Variants in TBRG1 observed in about 807,000 individuals in gnomAD.
The protein encoded by TBRG1 is nuclear interactor of ARF and MDM2.
In TBRG1, 31 loss-of-function variants were observed where a neutral mutation model predicts 44.0. The ratio of observed to expected loss-of-function variants is 0.70; its 90% CI spans 0.53 to 0.95. The LOEUF (loss-of-function observed/expected upper bound fraction) is 0.95. Among genes scored for constraint, TBRG1 ranks in the 40% least tolerant of loss-of-function variants. TBRG1 has a pLI of 0.00. For missense variants in TBRG1, 487 were observed against 496.1 expected, an observed-to-expected ratio of 0.98 and a Z score of 0.18; for synonymous variants, 171 against 188.1, an observed-to-expected ratio of 0.91 and a Z score of 0.74.
intron 5 of TBRG1, among the ~76,000 whole-genome samples, chr11:124,627,779 A>G (rs1942505137): frequency 5.3e-5 from 8 of 152,112 alleles, no homozygotes; most frequent in Admixed American, 4.6e-4. Flanking sequence ...CGTGACCTCA[A>G]TTATGCAATA....
intron 5 of TBRG1, among the ~76,000 whole-genome samples, chr11:124,627,650 T>C (rs1267575465): frequency 6.6e-6 from 1 of 151,948 alleles, no homozygotes; most frequent in East Asian, 1.9e-4. Flanking sequence ...TAGAAGGAAG[T>C]AGAGGCAAGG....
chr11:124,625,524 A>C (rs1170330108), intron 2 of TBRG1, 147 bp from the exon 3 acceptor site: 5 of 693,596 alleles, frequency 7.2e-6, no homozygotes, highest in Non-Finnish European at 1.2e-5. Context: ...CCAGGGCTTT[A>C]TGATTCATAG....
intron 1 of TBRG1, among the ~76,000 whole-genome samples, chr11:124,624,247 A>G (rs1197593171): frequency 2.0e-5 from 3 of 151,968 alleles, no homozygotes; most frequent in Non-Finnish European, 2.9e-5. Flanking sequence ...AGATTTTGTG[A>G]AGAAAAAGCG....
At chr11:124,629,882 A>G in intron 5 of TBRG1, 1 of 153,032 alleles carries the variant, frequency 6.5e-6, no homozygotes. Flanking sequence ...ATTTGTTACA[A>G]AAATATTTTC....
At chr11:124,631,570 C>T in intron 8 of TBRG1, 153 bp downstream of exon 8, 1 of 789,370 alleles carries the variant, frequency 1.3e-6, no homozygotes, top group South Asian at 1.6e-5. Context: ...TAGAGGGGGA[C>T]CTGCGGCCTG....
In TBRG1 at chr11:124,631,299, G is replaced by T. The variant is rs1237667356; in HGVS notation, c.972G>T (p.Val324=). ...GTTACCAGTGGGTGAAATTTGATGT[G>T]TGCAAACCTGGAGATGGGCAGCTAC... The part of the protein sequence containing the change: ...CINYQWVKFD[V]CKPGDGQLPE... Residue 324 remains valine (V), a synonymous_variant, in exon 8 of 9, where the codon GTG becomes GTT. Transcript: ENST00000441174. 1.2e-6 allele frequency: 2 copies of T among 1,607,166 alleles called. No individual in the cohort carries two copies. Among genetic ancestry groups the T allele is most frequent in the East Asian group, 4.5e-5 (2 of 44,856 alleles).
Position 124,634,811 on chromosome 11 carries a change from A to C in TBRG1, c.*2573A>C, listed in dbSNP as rs541245629. ...TTACAAAATAATATGTACTGTATAA[A>C]ATTATATAACTCAAGTCAAGTGAAT... On this transcript the variant is annotated 3_prime_UTR_variant, in exon 9 of 9. Coordinates refer to ENST00000441174, the MANE Select transcript of TBRG1 (RefSeq NM_032811.3). 9 of 152,300 alleles carry C rather than the reference A, an allele frequency of 5.9e-5. No homozygotes were observed. In the South Asian group the frequency reaches 1.9e-3, roughly 32 times the overall value. 9.4% of individuals were successfully genotyped at this position (152,300 alleles called of 1,614,324 possible).
chr11:124,627,009 C>CT lies in TBRG1; in HGVS notation c.698dup (p.Tyr234IlefsTer15). ...CATGAAGTGCCCAGACCAGAAGTGT[C>CT]TATATACCTGTCAGATCAAGGATGG... On this transcript the variant is annotated frameshift_variant, in exon 5 of 9. Transcript: ENST00000441174. LOFTEE classifies it high-confidence loss of function. 6.4e-7 allele frequency: 1 copy of CT among 1,561,398 alleles called. No individual in the cohort carries two copies. The highest frequency in any genetic ancestry group is 8.7e-7 in the Non-Finnish European group (1 of 1,151,620).
chr11:124,630,718 A>C (rs200809719), intron 6 of TBRG1, 27 bp from the exon 7 acceptor site: 33 of 1,517,752 alleles, frequency 2.2e-5, no homozygotes, highest in Non-Finnish European at 2.8e-5. Flanking sequence ...TAAGCTCTCA[A>C]ACTAAAATTA....
chr11:124,630,476 G>A lies in TBRG1; in HGVS notation c.827G>A (p.Ser276Asn), dbSNP rs1942584274. The A allele has an allele frequency of 6.2e-7, 1 of 1,611,432 alleles. No individual in the cohort carries two copies. The highest frequency in any genetic ancestry group is 1.1e-5 in the South Asian group (1 of 91,044). Residue 276 changes from serine (S) to asparagine (N), a missense_variant, in exon 6 of 9, where the codon AGC (serine) becomes AAC (asparagine). Coordinates refer to ENST00000441174, the MANE Select transcript of TBRG1 (RefSeq NM_032811.3). ...CATGCAGAACTGCTCAGGACTATAA[G>A]CACTACTATGTAAGTTGACCAAAAG... ...ACHAELLRTI[S>N]TTMGKLMPNL...
At chr11:124,624,508 A>G (rs1942412868) in intron 1 of TBRG1, among the ~76,000 whole-genome samples, 1 of 152,176 alleles carries the variant, frequency 6.6e-6, no homozygotes, top group Non-Finnish European at 1.5e-5. Context: ...TAAGTTTTTC[A>G]AGAGTTGAGG....
chr11:124,631,813 G>GGGTTCA (rs1247064728), intron 8 of TBRG1: 2 of 445,262 alleles, frequency 4.5e-6, no homozygotes, highest in Admixed American at 7.7e-5. Flanking sequence ...GAGTGATCAA[G>GGGTTCA]GGTTCAGGCT....
intron 5 of TBRG1, 176 bp from the exon 6 acceptor site, chr11:124,630,208 TTCTC>T: frequency 1.8e-6 from 1 of 563,482 alleles, no homozygotes; most frequent in Non-Finnish European, 3.3e-6. Flanking sequence ...TCAAAGGACT[TTCTC>T]TAGGTACTTG....
At position 124,630,471 on chromosome 11, in the gene TBRG1, T is replaced by C; in HGVS notation, c.822T>C (p.Thr274=). The stretch of plus-strand genomic sequence containing the variant: ...CTTGTCATGCAGAACTGCTCAGGAC[T>C]ATAAGCACTACTATGTAAGTTGACC... ...ADACHAELLR[T]ISTTMGKLMP... Residue 274 remains threonine (T), a synonymous_variant, in exon 6 of 9, where the codon ACT becomes ACC. Coordinates refer to ENST00000441174, the MANE Select transcript of TBRG1 (RefSeq NM_032811.3). The C allele has an allele frequency of 1.2e-6, 2 of 1,611,928 alleles. No individual in the cohort carries two copies. Among genetic ancestry groups the C allele is most frequent in the Non-Finnish European group, 1.7e-6 (2 of 1,177,964 alleles).
At chr11:124,626,352 C>T in intron 3 of TBRG1, 121 bp from the exon 4 acceptor site, 1 of 914,436 alleles carries the variant, frequency 1.1e-6, no homozygotes, top group Non-Finnish European at 1.6e-6. Flanking sequence ...CCCATATGCC[C>T]ATTCAGTAAG....
Position 124,626,945 on chromosome 11 carries a change from C to A in TBRG1, c.633C>A (p.Ile211=), listed in dbSNP as rs1166957822. ...DRPGFHDESA[I]YPVGYCSTRI... is the part of the protein sequence containing the mutation. Reference sequence around the variant, plus strand: ...CTGGCTTTCATGATGAGAGTGCCATCTACCCCGTGGGCTATTGCAGTACTC... The same window carrying A: ...CTGGCTTTCATGATGAGAGTGCCATATACCCCGTGGGCTATTGCAGTACTC... Residue 211 remains isoleucine (I), a synonymous_variant, in exon 5 of 9, where the codon ATC becomes ATA. Transcript: ENST00000441174. 6 of 1,605,232 alleles carry A rather than the reference C, an allele frequency of 3.7e-6. No individual in the cohort carries two copies. The highest frequency in any genetic ancestry group is 5.1e-6 in the Non-Finnish European group (6 of 1,175,364).
chr11:124,625,946 A>G (rs779186122), intron 3 of TBRG1, 43 bp downstream of exon 3: 1 of 1,508,678 alleles, frequency 6.6e-7, no homozygotes, highest in South Asian at 1.4e-5. Flanking sequence ...TGACTCACCT[A>G]CTAATGACAG....
chr11:124,623,347 G>A, intron 1 of TBRG1, 114 bp downstream of exon 1: 2 of 1,203,162 alleles, frequency 1.7e-6, no homozygotes, highest in Non-Finnish European at 2.4e-6. Context: ...TGGCTTTTCC[G>A]TATACGTTAC....
At position 124,625,759 on chromosome 11, in the gene TBRG1, C is replaced by G; in HGVS notation, c.310C>G (p.Leu104Val). 6.4e-7 allele frequency: 1 copy of G among 1,568,900 alleles called. No individual in the cohort carries two copies. Among genetic ancestry groups the G allele is most frequent in the Non-Finnish European group, 8.7e-7 (1 of 1,155,512 alleles). The change falls in exon 3 of 9, where the codon CTG (leucine) becomes GTG (valine). Residue 104 changes from leucine (L) to valine (V), a missense_variant. Physicochemically the swap from Leu to Val is conservative, Grantham distance 32. Coordinates refer to ENST00000441174, the MANE Select transcript of TBRG1 (RefSeq NM_032811.3). ...TCCTTCCCACAGTTCCAGTTTGCCC[C>G]TGACTTATGGTGTGGCCAGCTCTGT... Reference protein sequence around the residue: ...AAPSHSSSLPLTYGVASSVGT... With the variant: ...AAPSHSSSLPVTYGVASSVGT...
Sources: allele counts gnomAD v4.1 joint callset (sites outside exome capture counted in the v4.1 genomes callset), GRCh38; gene constraint gnomAD v4.1.1; transcripts MANE v1.5; gene names NCBI Gene and HGNC (gene_info 2026-07-23, HGNC 2026-07-21).